PNPLA1: variants seen among roughly 807,000 people sequenced by gnomAD.
PNPLA1 encodes patatin like domain 1, omega-hydroxyceramide transacylase, also known as omega-hydroxyceramide transacylase.
A neutral mutation model predicts 51.7 loss-of-function variants in PNPLA1; 36 were observed. The observed-to-expected ratio is 0.70, with a 90% CI of 0.53 to 0.92. The LOEUF (loss-of-function observed/expected upper bound fraction) is 0.92, where lower values mean the gene tolerates loss of function less well. PNPLA1 is among the 40% of genes least tolerant of loss of function. The pLI is 0.00. For missense variants in PNPLA1, 658 were observed against 682.5 expected, an observed-to-expected ratio of 0.96 and a Z score of 0.40; for synonymous variants, 293 against 280.1, an observed-to-expected ratio of 1.05 and a Z score of -0.46.
upstream of PNPLA1, among the ~76,000 whole-genome samples, chr6:36,266,911 G>A (rs1317000696): frequency 1.3e-5 from 2 of 152,202 alleles, no homozygotes; most frequent in Non-Finnish European, 2.9e-5. Flanking sequence ...TTTTCAGGAG[G>A]TAAGCAAAGG....
chr6:36,253,746 T>C (rs1193359758), intron 1 of PNPLA1, among the ~76,000 whole-genome samples: 1 of 152,226 alleles, frequency 6.6e-6, no homozygotes, highest in African/African-American at 2.4e-5. Context: ...CCCAAAGTGC[T>C]GGGATTACAG....
chr6:36,276,104 A>G (rs1770088629), intron 1 of PNPLA1, among the ~76,000 whole-genome samples: 1 of 151,780 alleles, frequency 6.6e-6, no homozygotes, highest in South Asian at 2.1e-4. Context: ...GCTTACAGGC[A>G]CCCACCACCA....
At chr6:36,253,999 G>T (rs571488300) in intron 1 of PNPLA1, among the ~76,000 whole-genome samples, 1 of 151,992 alleles carries the variant, frequency 6.6e-6, no homozygotes, top group South Asian at 2.1e-4. Flanking sequence ...AGGTCATATG[G>T]TCTGACTACA....
At position 36,294,733 on chromosome 6, in the gene PNPLA1, T is replaced by G. The variant is rs1042133488; in HGVS notation, c.714+334T>G. Among the ~76,000 whole-genome samples, 2 of 152,210 alleles carry G rather than the reference T, an allele frequency of 1.3e-5. No homozygotes were observed. The highest frequency in any genetic ancestry group is 4.8e-5 in the African/African-American group (2 of 41,450). On this transcript the variant is annotated intron_variant, in intron 4 of 8. Coordinates refer to ENST00000636260, the MANE Select transcript of PNPLA1 (RefSeq NM_001374623.1). The surrounding 1 kb of genome is among the most constrained non-coding windows in gnomAD (Gnocchi z 4.2). ...TGCAGCCCACGGGCCAAATCTAGCCTATGGCTTGTTTTTGTACAGCCTGTG... is the reference window on the plus strand; with the variant it reads ...TGCAGCCCACGGGCCAAATCTAGCCGATGGCTTGTTTTTGTACAGCCTGTG...
At chr6:36,295,602 G>A (rs186126783) in intron 5 of PNPLA1, among the ~76,000 whole-genome samples, 178 bp downstream of exon 5, 84 of 152,326 alleles carry the variant, frequency 5.5e-4, no homozygotes, top group South Asian at 4.1e-4. Context: ...AGCCCAGACC[G>A]CTGGGTCCAG....
upstream of PNPLA1, among the ~76,000 whole-genome samples, chr6:36,269,073 T>A (rs1769832302): frequency 6.6e-6 from 1 of 152,190 alleles, no homozygotes; most frequent in South Asian, 2.1e-4. Flanking sequence ...GAAAACTCCC[T>A]CCTAACTGAA....
Position 36,302,376 on chromosome 6 carries a change from A to G in PNPLA1, c.1291A>G (p.Thr431Ala), listed in dbSNP as rs1184192298. 2 of 1,603,876 alleles carry G rather than the reference A, an allele frequency of 1.2e-6. No homozygotes were observed. The highest frequency in any genetic ancestry group is 1.7e-5 in the Admixed American group (1 of 59,428). ...TSPRPSLGPS[T>A]VGAPQTLPRS... The stretch of plus-strand genomic sequence containing the variant: ...ACCCAGGCCATCCCTGGGGCCTTCA[A>G]CTGTGGGGGCACCTCAAACACTGCC... Residue 431 changes from threonine to alanine, a missense_variant, in exon 6 of 9, where the codon ACT becomes GCT. Physicochemically the swap from Thr to Ala is moderately conservative, Grantham distance 58 (BLOSUM62 0). Transcript: ENST00000636260.
At chr6:36,302,678 CA>C (rs1360437172) in intron 6 of PNPLA1, among the ~76,000 whole-genome samples, 8 of 152,206 alleles carry the variant, frequency 5.3e-5, no homozygotes, top group African/African-American at 1.9e-4. Context: ...CAGTGCTTCT[CA>C]AAGTGCGATC....
chr6:36,244,054 G>A (rs1769207712), intron 1 of PNPLA1, among the ~76,000 whole-genome samples: 1 of 152,152 alleles, frequency 6.6e-6, no homozygotes, highest in South Asian at 2.1e-4. Context: ...GGAAGCAGTG[G>A]AGCTGGAATT....
chr6:36,304,914 T>G (rs1012774744), intron 6 of PNPLA1, among the ~76,000 whole-genome samples: 1 of 152,180 alleles, frequency 6.6e-6, no homozygotes, highest in East Asian at 1.9e-4. Context: ...ACCTAGTGGT[T>G]ACAGGCTGGG....
Position 36,293,108 on chromosome 6 carries a change from C to T in PNPLA1, c.486C>T (p.Pro162=). ...TCCCGGTGTACTGTGGCCTCATCCC[C>T]CCGACTTACCGCGGTGTGGTGAGTG... ...CFVPVYCGLI[P]PTYRGVRYID... is the part of the protein sequence containing the mutation. Residue 162 remains proline, a synonymous_variant, in exon 3 of 9, where the codon CCC becomes CCT. Coordinates refer to ENST00000636260, the MANE Select transcript of PNPLA1 (RefSeq NM_001374623.1). The T allele has an allele frequency of 6.2e-7, 1 of 1,614,088 alleles. No individual in the cohort carries two copies. Among genetic ancestry groups the T allele is most frequent in the Non-Finnish European group, 8.5e-7 (1 of 1,179,974 alleles).
intron 1 of PNPLA1, among the ~76,000 whole-genome samples, chr6:36,282,428 C>T (rs890872139): frequency 2.0e-5 from 3 of 152,216 alleles, no homozygotes. Flanking sequence ...TTAAACGTCT[C>T]TATCCAAATG....
chr6:36,290,896 C>T (rs1004253485), intron 1 of PNPLA1, among the ~76,000 whole-genome samples: 14 of 152,220 alleles, frequency 9.2e-5, no homozygotes, highest in African/African-American at 2.4e-4. Context: ...CAACTTCCAA[C>T]TGCACCAGTG....
chr6:36,281,202 C>A (rs1183355179), intron 1 of PNPLA1, among the ~76,000 whole-genome samples: 1 of 152,016 alleles, frequency 6.6e-6, no homozygotes, highest in Non-Finnish European at 1.5e-5. Context: ...TCCATTTTTT[C>A]CTGTTGCAGG....
intron 1 of PNPLA1, among the ~76,000 whole-genome samples, chr6:36,280,217 C>T (rs1770237301): frequency 6.6e-6 from 1 of 152,102 alleles, no homozygotes; most frequent in African/African-American, 2.4e-5. Context: ...AAAACAAAAA[C>T]AAAAACATAG....
intron 1 of PNPLA1, among the ~76,000 whole-genome samples, chr6:36,260,261 C>G (rs546318524): frequency 2.0e-5 from 3 of 151,988 alleles, no homozygotes; most frequent in Non-Finnish European, 4.4e-5. Flanking sequence ...TGCACTCCAG[C>G]CTGGGTGACA....
At chr6:36,257,239 AT>A (rs1329151829) in intron 1 of PNPLA1, among the ~76,000 whole-genome samples, 15 of 152,174 alleles carry the variant, frequency 9.9e-5, no homozygotes, top group Non-Finnish European at 1.5e-5. Flanking sequence ...TTAGGGTATC[AT>A]TTTCTGAGCC....
rs1274159926 is a variant in PNPLA1, at chr6:36,294,318, C to G, written c.633C>G (p.Phe211Leu). 2 of 1,614,112 alleles carry G rather than the reference C, an allele frequency of 1.2e-6. No homozygotes were observed. Among genetic ancestry groups the G allele is most frequent in the Non-Finnish European group, 1.7e-6 (2 of 1,180,052 alleles). The change falls in exon 4 of 9, where the codon TTC becomes TTG. Residue 211 changes from phenylalanine to leucine, a missense_variant. By Grantham distance (22) the Phe-to-Leu change is conservative. Coordinates refer to ENST00000636260, the MANE Select transcript of PNPLA1 (RefSeq NM_001374623.1). The surrounding 1 kb of genome is among the most constrained non-coding windows in gnomAD (Gnocchi z 4.2). ...ACTGCCCGGCCATCTTCCACGACTT[C>G]CGCATGTTCAACTGCTCCTTCCAGT... ...PRDCPAIFHD[F>L]RMFNCSFQFS...
intron 1 of PNPLA1, among the ~76,000 whole-genome samples, chr6:36,286,342 G>A (rs1347401234): frequency 6.6e-6 from 1 of 152,180 alleles, no homozygotes; most frequent in Non-Finnish European, 1.5e-5. Context: ...GATCAGCTGG[G>A]CACAGTGGCT....
Sources: gnomAD v4.1 joint callset for allele counts (sites outside exome capture counted in the v4.1 genomes callset) on GRCh38, gnomAD v4.1.1 for gene constraint, Gnocchi (gnomAD v3.1) non-coding constraint, MANE v1.5 for transcripts, NCBI Gene and HGNC (gene_info 2026-07-23, HGNC 2026-07-21) for gene names.